PARP15: variants seen among roughly 807,000 people sequenced by gnomAD.
The protein encoded by PARP15 is poly(ADP-ribose) polymerase family member 15.
A neutral mutation model predicts 62.1 loss-of-function variants in PARP15; 50 were observed. The observed-to-expected ratio is 0.81, with a 90% CI of 0.64 to 1.02. The LOEUF is 1.02. Among genes scored for constraint, PARP15 ranks in the 50% least tolerant of loss-of-function variants. The pLI is 0.00. For missense variants in PARP15, 820 were observed against 826.5 expected, an observed-to-expected ratio of 0.99 and a Z score of 0.10; for synonymous variants, 309 against 293.1, an observed-to-expected ratio of 1.05 and a Z score of -0.55.
intron 6 of PARP15, among the ~76,000 whole-genome samples, 168 bp from the exon 7 acceptor site, chr3:122,619,613 A>T (rs9989969): frequency 6.4e-4 from 98 of 152,316 alleles, no homozygotes; most frequent in African/African-American, 2.3e-3. Context: ...CAGACTGTTC[A>T]TCAGCCACTG....
At chr3:122,591,885 A>G (rs769694826) in intron 1 of PARP15, among the ~76,000 whole-genome samples, 6 of 152,208 alleles carry the variant, frequency 3.9e-5, no homozygotes, top group Non-Finnish European at 7.3e-5. Context: ...CATTAAAAGA[A>G]TGAGATACCA....
Position 122,636,755 on chromosome 3 carries a change from C to T in PARP15, c.*655C>T, listed in dbSNP as rs528878953. 1 of 152,430 alleles carries T rather than the reference C, an allele frequency of 6.6e-6. No individual in the cohort carries two copies. Among genetic ancestry groups the T allele is most frequent in the Admixed American group, 6.5e-5 (1 of 15,302 alleles). 9.4% of individuals were successfully genotyped at this position (152,430 alleles called of 1,614,324 possible). Reference sequence around the variant, plus strand: ...TCAGGCATGGCTTACCTGGATCATTCTGCTAGGGTCTCTCTGAAGTTACAG... The same window carrying T: ...TCAGGCATGGCTTACCTGGATCATTTTGCTAGGGTCTCTCTGAAGTTACAG... On this transcript the variant is annotated 3_prime_UTR_variant, in exon 12 of 12. Transcript: ENST00000464300.
At chr3:122,605,901 G>T in intron 1 of PARP15, 35 bp from the exon 2 acceptor site, 1 of 1,545,092 alleles carries the variant, frequency 6.5e-7, no homozygotes, top group South Asian at 1.2e-5. Context: ...CTTGAAATTG[G>T]CATTGCTGGT....
chr3:122,596,921 G>A (rs1451078990), intron 1 of PARP15, among the ~76,000 whole-genome samples: 1 of 152,190 alleles, frequency 6.6e-6, no homozygotes, highest in African/African-American at 2.4e-5. Context: ...CAGTCAGGTA[G>A]GAGAGCTAAA....
chr3:122,578,740 A>C (rs1221162183), intron 1 of PARP15, among the ~76,000 whole-genome samples: 1 of 152,190 alleles, frequency 6.6e-6, no homozygotes, highest in African/African-American at 2.4e-5. Context: ...AGTTTAAAAA[A>C]AAAAAAGAAA....
chr3:122,628,389 A>C (rs1337235106), intron 9 of PARP15, among the ~76,000 whole-genome samples: 1 of 152,216 alleles, frequency 6.6e-6, no homozygotes, highest in Non-Finnish European at 1.5e-5. Flanking sequence ...GAAATTCAGA[A>C]AGCTTTTACC....
chr3:122,615,392 G>GC lies in PARP15; in HGVS notation c.772-382dup, dbSNP rs895914296. ...AGATGCCAAGGAACGTTGTTGCCCT[G>GC]CCCCCTGCTCACCTACAAATACTCT... On this transcript the variant is annotated intron_variant, in intron 4 of 11. Coordinates refer to ENST00000464300, the MANE Select transcript of PARP15 (RefSeq NM_001113523.3). 400 of 1,297,684 alleles carry GC rather than the reference G, an allele frequency of 3.1e-4. 1 individual carries two copies. The highest frequency in any genetic ancestry group is 3.8e-4 in the Non-Finnish European group (374 of 994,696). 80.4% of individuals were successfully genotyped at this position (1,297,684 alleles called of 1,614,324 possible).
intron 7 of PARP15, 23 bp downstream of exon 7, chr3:122,619,866 A>G (rs1451271953): frequency 6.3e-7 from 1 of 1,596,016 alleles, no homozygotes; most frequent in East Asian, 2.2e-5. Context: ...GTTACTTTTG[A>G]CTACAAACTT....
At chr3:122,584,469 C>T (rs778870441) in intron 1 of PARP15, among the ~76,000 whole-genome samples, 18 of 151,738 alleles carry the variant, frequency 1.2e-4, no homozygotes, top group East Asian at 3.9e-4. Context: ...TTGTTCCTGA[C>T]GTTAATGAAA....
At position 122,632,159 on chromosome 3, in the gene PARP15, A is replaced by C. The variant is rs760859507; in HGVS notation, c.1512A>C (p.Ser504=). The part of the protein sequence containing the change: ...FCMVQLEPGQ[S]EYNTIKDKFT... ...TGGTCCAGCTAGAGCCAGGACAATC[A>C]GAATATAATACCATAAAGGACAAGT... The change falls in exon 10 of 12, where the codon TCA becomes TCC. Residue 504 remains serine, a synonymous_variant. Transcript: ENST00000464300. 5 of 1,613,980 alleles carry C rather than the reference A, an allele frequency of 3.1e-6. No individual in the cohort carries two copies. Among genetic ancestry groups the C allele is most frequent in the Non-Finnish European group, 4.2e-6 (5 of 1,179,884 alleles).
chr3:122,625,682 GAC>G (rs1936677158), intron 8 of PARP15, among the ~76,000 whole-genome samples: 1 of 152,210 alleles, frequency 6.6e-6, no homozygotes, highest in African/African-American at 2.4e-5. Context: ...AACATGTGAA[GAC>G]ACAGAGAGAA....
intron 3 of PARP15, 21 bp downstream of exon 3, chr3:122,610,751 T>C: frequency 6.7e-7 from 1 of 1,481,684 alleles, no homozygotes; most frequent in South Asian, 1.4e-5. Context: ...CTCTTAGTTC[T>C]CCAACGTATT....
chr3:122,619,615 C>T (rs1936207587), intron 6 of PARP15, among the ~76,000 whole-genome samples, 166 bp from the exon 7 acceptor site: 1 of 152,184 alleles, frequency 6.6e-6, no homozygotes, highest in African/African-American at 2.4e-5. Context: ...GACTGTTCAT[C>T]AGCCACTGGG....
intron 1 of PARP15, among the ~76,000 whole-genome samples, chr3:122,579,993 C>CTATATATA (rs58969507): frequency 5.6e-5 from 4 of 70,822 alleles, no homozygotes; most frequent in African/African-American, 1.2e-4. Context: ...ACAACAGCAA[C>CTATATATA]TATATGTATA....
intron 1 of PARP15, among the ~76,000 whole-genome samples, chr3:122,582,977 T>C (rs1440908912): frequency 6.6e-6 from 1 of 152,120 alleles, no homozygotes; most frequent in Non-Finnish European, 1.5e-5. Context: ...TTTTTCTCTC[T>C]AGGAGTTTGA....
At chr3:122,612,205 A>G (rs1438626975) in intron 3 of PARP15, among the ~76,000 whole-genome samples, 2 of 149,940 alleles carry the variant, frequency 1.3e-5, no homozygotes, top group Non-Finnish European at 3.0e-5. Flanking sequence ...ACAGGCACAC[A>G]TCACCATCCC....
chr3:122,577,961 C>A, intron 1 of PARP15, 108 bp downstream of exon 1: 1 of 1,249,672 alleles, frequency 8.0e-7, no homozygotes, highest in South Asian at 1.6e-5. Flanking sequence ...CACGCACAAC[C>A]CTCTCTTCTA....
At chr3:122,634,527 GA>G (rs1164900162) in intron 10 of PARP15, among the ~76,000 whole-genome samples, 2 of 152,030 alleles carry the variant, frequency 1.3e-5, no homozygotes, top group African/African-American at 4.8e-5. Flanking sequence ...CAGAGGTCTA[GA>G]AAAAAATAGT....
chr3:122,595,361 A>G (rs995711423), intron 1 of PARP15, among the ~76,000 whole-genome samples: 2 of 151,142 alleles, frequency 1.3e-5, no homozygotes, highest in Non-Finnish European at 2.9e-5. Context: ...TGTTCCACCA[A>G]AGCTGTTCTT....
Sources: gnomAD v4.1 joint callset for allele counts (sites outside exome capture counted in the v4.1 genomes callset) on GRCh38, gnomAD v4.1.1 for gene constraint, MANE v1.5 for transcripts, NCBI Gene and HGNC (gene_info 2026-07-23, HGNC 2026-07-21) for gene names.